Variants in KCNB2 observed in about 807,000 individuals in gnomAD.
KCNB2 encodes the protein potassium voltage-gated channel subfamily B member 2.
Under a neutral mutation model 61.5 loss-of-function variants are expected in KCNB2, and 15 were observed. The ratio of observed to expected loss-of-function variants is 0.24; its 90% confidence interval spans 0.16 to 0.38. The LOEUF is 0.38. KCNB2 is among the 10% of genes least tolerant of loss of function. KCNB2 has a pLI of 1.00. For missense variants in KCNB2, 828 were observed against 1,125.2 expected (o/e 0.74, Z 3.78); for synonymous variants, 457 against 446.0 (o/e 1.02, Z -0.31).
At chr8:72,903,691 C>A (rs1414216023) in intron 2 of KCNB2, among the ~76,000 whole-genome samples, 4 of 152,174 alleles carry the variant, frequency 2.6e-5, no homozygotes, top group African/African-American at 9.7e-5. Context: ...TCCAATAACT[C>A]TAAATCCAAT....
chr8:72,684,042 G>A lies in KCNB2; in HGVS notation c.579+115729G>A, dbSNP rs549013766. ...GATGAGGCAGTGGGCACATTAGAAG[G>A]TAAGAGCTGGAGTGAGGTAATCAGT... On this transcript the variant is annotated intron_variant, in intron 2 of 2. Coordinates refer to ENST00000523207, the MANE Select transcript of KCNB2 (RefSeq NM_004770.3). Among the ~76,000 whole-genome samples the A allele has an allele frequency of 3.3e-5, 5 of 152,330 alleles. No individual in the cohort carries two copies. In the South Asian group the frequency reaches 1.0e-3, roughly 32 times the overall value.
At chr8:72,697,529 C>A (rs1807037026) in intron 2 of KCNB2, among the ~76,000 whole-genome samples, 1 of 152,044 alleles carries the variant, frequency 6.6e-6, no homozygotes, top group Non-Finnish European at 1.5e-5. Flanking sequence ...CTAATCACTA[C>A]TTGAGAGGCT....
intron 2 of KCNB2, among the ~76,000 whole-genome samples, chr8:72,570,823 A>G (rs537819248): frequency 6.6e-6 from 1 of 152,280 alleles, no homozygotes; most frequent in South Asian, 2.1e-4. Flanking sequence ...TTTAAAGCAG[A>G]ATATCTGTGG....
intron 2 of KCNB2, among the ~76,000 whole-genome samples, chr8:72,739,798 C>T (rs970022728): frequency 6.6e-6 from 1 of 152,124 alleles, no homozygotes; most frequent in African/African-American, 2.4e-5. Flanking sequence ...ATCATCAGTT[C>T]TATCAGTAGT....
In KCNB2 at chr8:72,623,091, G is replaced by A. The variant is rs551960120; in HGVS notation, c.579+54778G>A. On this transcript the variant is annotated intron_variant, in intron 2 of 2. Coordinates refer to ENST00000523207, the MANE Select transcript of KCNB2 (RefSeq NM_004770.3). ...TTTGGTGTGTCTTCATTGACTGAGT[G>A]TTAATTATACTGCCATTTCACTGCA... is the stretch of plus-strand genomic sequence containing the variant. Among the ~76,000 whole-genome samples, 6 of 152,304 alleles carry A rather than the reference G, an allele frequency of 3.9e-5. No homozygotes were observed. The South Asian group carries it at 1.2e-3, about 32-fold the overall frequency.
At chr8:72,570,454 A>T (rs1455326014) in intron 2 of KCNB2, among the ~76,000 whole-genome samples, 1 of 152,150 alleles carries the variant, frequency 6.6e-6, no homozygotes, top group African/African-American at 2.4e-5. Flanking sequence ...ATTATATAGT[A>T]GTTTAGTGAA....
At chr8:72,813,342 A>C (rs907462695) in intron 2 of KCNB2, among the ~76,000 whole-genome samples, 1 of 150,664 alleles carries the variant, frequency 6.6e-6, no homozygotes. Context: ...TTTTTTTTTC[A>C]ATTAGAAACA....
intron 2 of KCNB2, among the ~76,000 whole-genome samples, chr8:72,925,786 C>G (rs558582947): frequency 1.3e-5 from 2 of 152,104 alleles, no homozygotes; most frequent in Non-Finnish European, 2.9e-5. Context: ...TAAAAATACA[C>G]GCACAAGTAT....
intron 1 of KCNB2, among the ~76,000 whole-genome samples, chr8:72,544,893 A>T (rs1478938061): frequency 6.6e-6 from 1 of 152,180 alleles, no homozygotes; most frequent in Non-Finnish European, 1.5e-5. Context: ...AGGCACACCC[A>T]AGTAGTGACA....
At chr8:72,544,740 G>C (rs1264751607) in intron 1 of KCNB2, among the ~76,000 whole-genome samples, 46 of 152,196 alleles carry the variant, frequency 3.0e-4, no homozygotes, top group Non-Finnish European at 8.8e-5. Context: ...GGTTAATAGA[G>C]TGGACATTTA....
chr8:72,907,533 G>A (rs1806200666), intron 2 of KCNB2, among the ~76,000 whole-genome samples: 1 of 152,182 alleles, frequency 6.6e-6, no homozygotes, highest in Admixed American at 6.5e-5. Context: ...GCTCAGCAGA[G>A]CAGATACTGC....
intron 2 of KCNB2, among the ~76,000 whole-genome samples, chr8:72,821,990 C>G (rs1809519863): frequency 6.6e-6 from 1 of 152,188 alleles, no homozygotes; most frequent in Non-Finnish European, 1.5e-5. Context: ...CCCCTTTCCT[C>G]CATCCTCTTC....
chr8:72,598,665 C>T (rs191282252), intron 2 of KCNB2, among the ~76,000 whole-genome samples: 5 of 152,320 alleles, frequency 3.3e-5, no homozygotes, highest in East Asian at 1.9e-4. Context: ...CAAATTGTCC[C>T]TGTTTGCAGA....
intron 2 of KCNB2, among the ~76,000 whole-genome samples, chr8:72,603,567 G>T (rs1040965590): frequency 2.6e-5 from 4 of 152,194 alleles, no homozygotes; most frequent in South Asian, 2.1e-4. Flanking sequence ...CTCATTTCTT[G>T]TGTGTCAGCG....
intron 1 of KCNB2, among the ~76,000 whole-genome samples, chr8:72,547,242 G>C (rs1417978915): frequency 6.6e-6 from 1 of 152,160 alleles, no homozygotes; most frequent in Non-Finnish European, 1.5e-5. Flanking sequence ...TCACCCAAGA[G>C]CTCTGAGGGA....
chr8:72,897,591 T>C (rs1024313098), intron 2 of KCNB2, among the ~76,000 whole-genome samples: 17 of 152,166 alleles, frequency 1.1e-4, no homozygotes, highest in African/African-American at 4.1e-4. Flanking sequence ...ATTAGCTCCA[T>C]GACCAGAACG....
intron 2 of KCNB2, among the ~76,000 whole-genome samples, chr8:72,624,663 A>G (rs1805761988): frequency 6.6e-6 from 1 of 152,228 alleles, no homozygotes; most frequent in Admixed American, 6.5e-5. Context: ...TCAACACATC[A>G]TATTGAGCAT....
At chr8:72,577,431 T>A (rs1806815568) in intron 2 of KCNB2, among the ~76,000 whole-genome samples, 1 of 152,212 alleles carries the variant, frequency 6.6e-6, no homozygotes, top group Non-Finnish European at 1.5e-5. Context: ...AACTTCAGCA[T>A]GTATTTGGCA....
chr8:72,600,264 T>G (rs1273381942), intron 2 of KCNB2, among the ~76,000 whole-genome samples: 1 of 152,034 alleles, frequency 6.6e-6, no homozygotes, highest in Non-Finnish European at 1.5e-5. Context: ...TATGCAGCCA[T>G]AAAAAATGAT....
Sources: allele counts gnomAD v4.1 joint callset (sites outside exome capture counted in the v4.1 genomes callset), GRCh38; gene constraint gnomAD v4.1.1; transcripts MANE v1.5; gene names NCBI Gene and HGNC (gene_info 2026-07-23, HGNC 2026-07-21).